VRK2: variants seen among roughly 807,000 people sequenced by gnomAD.
VRK2 encodes VRK serine/threonine kinase 2.
In VRK2, 60 loss-of-function variants were observed where a neutral mutation model predicts 57.6. The observed-to-expected ratio is 1.04, with a 90% CI of 0.85 to 1.29. The LOEUF (loss-of-function observed/expected upper bound fraction) is 1.29, where lower values mean the gene tolerates loss of function less well. Ranked by LOEUF, VRK2 falls within the 50% of genes most tolerant of loss-of-function variation. The pLI, the probability that VRK2 is intolerant of heterozygous loss-of-function variation, is 0.00. For missense variants in VRK2, 705 were observed against 588.1 expected (o/e 1.20, Z -2.06); for synonymous variants, 231 against 199.2 (o/e 1.16, Z -1.35).
At chr2:58,131,598 G>A (rs1048322076) in intron 8 of VRK2, among the ~76,000 whole-genome samples, 1 of 152,144 alleles carries the variant, frequency 6.6e-6, no homozygotes, top group Non-Finnish European at 1.5e-5. Flanking sequence ...TGAGGAAACT[G>A]ACCCTTACTT....
At chr2:58,000,860 A>C (rs1465985745) in intron 1 of VRK2, among the ~76,000 whole-genome samples, 1 of 152,256 alleles carries the variant, frequency 6.6e-6, no homozygotes, top group Admixed American at 6.5e-5. Context: ...ATACAAATAG[A>C]AATTCAGAAG....
At chr2:58,053,751 T>G (rs1676097186) in intron 2 of VRK2, among the ~76,000 whole-genome samples, 1 of 152,120 alleles carries the variant, frequency 6.6e-6, no homozygotes, top group Non-Finnish European at 1.5e-5. Context: ...ATTTTGGTAG[T>G]GTTTATAGAG....
At chr2:58,022,490 G>A (rs1170296991) in intron 1 of VRK2, among the ~76,000 whole-genome samples, 2 of 152,180 alleles carry the variant, frequency 1.3e-5, no homozygotes, top group African/African-American at 4.8e-5. Flanking sequence ...TAAAAGTTGA[G>A]GGGAGTAGGA....
At chr2:58,122,765 C>A (rs1677710733) in intron 7 of VRK2, among the ~76,000 whole-genome samples, 2 of 152,096 alleles carry the variant, frequency 1.3e-5, no homozygotes, top group African/African-American at 2.4e-5. Flanking sequence ...AAAAGCAGAG[C>A]CTCCTCAACT....
intron 12 of VRK2, 177 bp from the exon 13 acceptor site, chr2:58,159,172 C>T: frequency 2.0e-6 from 1 of 506,446 alleles, no homozygotes; most frequent in Non-Finnish European, 3.4e-6. Context: ...TGTTTATAAA[C>T]TCTTAAAAAG....
At chr2:58,153,726 T>G (rs1213017956) in intron 12 of VRK2, among the ~76,000 whole-genome samples, 2 of 152,222 alleles carry the variant, frequency 1.3e-5, no homozygotes, top group African/African-American at 4.8e-5. Flanking sequence ...GGTGACCTTA[T>G]GAGTTGAGAA....
chr2:57,926,449 G>A (rs1408513941), intron 1 of VRK2, among the ~76,000 whole-genome samples: 29 of 147,610 alleles, frequency 2.0e-4, no homozygotes, highest in Non-Finnish European at 3.4e-4. Flanking sequence ...ATGTGTGTGT[G>A]TGTGTGTGTG....
intron 1 of VRK2, among the ~76,000 whole-genome samples, chr2:57,933,304 T>TTTTTC (rs1558500278): frequency 8.3e-6 from 1 of 119,876 alleles, no homozygotes; most frequent in Non-Finnish European, 1.6e-5. Flanking sequence ...TATTTCTTTC[T>TTTTTC]TTTTCTTTTT....
At chr2:58,114,666 G>A (rs1416408831) in intron 7 of VRK2, among the ~76,000 whole-genome samples, 1 of 151,640 alleles carries the variant, frequency 6.6e-6, no homozygotes, top group African/African-American at 2.4e-5. Flanking sequence ...CTTGAAGACG[G>A]AGGACCATAA....
chr2:57,959,753 G>A (rs183430197), intron 1 of VRK2, among the ~76,000 whole-genome samples: 14 of 152,244 alleles, frequency 9.2e-5, no homozygotes, highest in Non-Finnish European at 1.9e-4. Flanking sequence ...GGCCTTATTG[G>A]TGAACTGATA....
Position 58,084,414 on chromosome 2 carries a change from T to C in VRK2, c.186+276T>C, listed in dbSNP as rs541794162. ...CACCTCTCTAATCAAGATGGTAAGG[T>C]CCTTAAAGGCAAGCATAGGGTTTTA... On this transcript the variant is annotated intron_variant, in intron 3 of 12. Transcript: ENST00000340157. 2.7e-4 allele frequency among the ~76,000 whole-genome samples: 41 copies of C among 151,830 alleles called. No individual in the cohort carries two copies. The South Asian group carries it at 5.0e-3, about 18-fold the overall frequency.
At chr2:58,084,260 C>G in intron 3 of VRK2, 122 bp downstream of exon 3, 2 of 1,028,400 alleles carry the variant, frequency 1.9e-6, no homozygotes, top group Non-Finnish European at 2.7e-6. Flanking sequence ...ATGTTATCAT[C>G]TGTTTTGACG....
At chr2:58,137,254 A>ACG (rs1211918254) in intron 10 of VRK2, among the ~76,000 whole-genome samples, 1 of 138,372 alleles carries the variant, frequency 7.2e-6, no homozygotes, top group African/African-American at 2.9e-5. Context: ...TATATATGAT[A>ACG]TATATGATAT....
At chr2:57,920,395 C>T (rs949725235) in intron 1 of VRK2, among the ~76,000 whole-genome samples, 1 of 152,108 alleles carries the variant, frequency 6.6e-6, no homozygotes, top group Non-Finnish European at 1.5e-5. Flanking sequence ...TGGAAATTTT[C>T]ACATATCCTC....
At chr2:57,963,001 C>G (rs1671807280) in intron 1 of VRK2, among the ~76,000 whole-genome samples, 1 of 152,172 alleles carries the variant, frequency 6.6e-6, no homozygotes, top group Non-Finnish European at 1.5e-5. Flanking sequence ...GCCAGCTTGC[C>G]AAGGGATTTG....
chr2:58,081,785 A>G (rs2104113977), intron 2 of VRK2, among the ~76,000 whole-genome samples: 1 of 151,710 alleles, frequency 6.6e-6, no homozygotes, highest in African/African-American at 2.4e-5. Flanking sequence ...ATGAACATGT[A>G]TTTAATGATG....
At chr2:58,016,573 G>C (rs918046809) in intron 1 of VRK2, among the ~76,000 whole-genome samples, 1 of 152,018 alleles carries the variant, frequency 6.6e-6, no homozygotes, top group African/African-American at 2.4e-5. Context: ...TGGCCAGGCT[G>C]GTCTCAAAAC....
intron 1 of VRK2, among the ~76,000 whole-genome samples, chr2:57,934,862 C>T (rs1250175470): frequency 6.6e-6 from 1 of 152,072 alleles, no homozygotes; most frequent in Non-Finnish European, 1.5e-5. Flanking sequence ...TTGATACTCT[C>T]TATTGCACTT....
At chr2:58,070,318 G>A (rs769460573) in intron 2 of VRK2, among the ~76,000 whole-genome samples, 14 of 151,750 alleles carry the variant, frequency 9.2e-5, no homozygotes, top group Non-Finnish European at 1.5e-4. Flanking sequence ...TCAAGTAGTT[G>A]GGGTTACAGA....
Sources: gnomAD v4.1 joint callset for allele counts (sites outside exome capture counted in the v4.1 genomes callset) on GRCh38, gnomAD v4.1.1 for gene constraint, MANE v1.5 for transcripts, NCBI Gene and HGNC (gene_info 2026-07-23, HGNC 2026-07-21) for gene names.